The following SCPEP1 variants were observed in gnomAD, a reference collection of about 807,000 sequenced individuals.
The protein encoded by SCPEP1 is retinoid-inducible serine carboxypeptidase.
SCPEP1 carries 51 observed loss-of-function variants against 63.8 expected under a neutral mutation model. That is an observed-to-expected ratio of 0.80 (90% CI 0.64 to 1.01). The LOEUF (loss-of-function observed/expected upper bound fraction) is 1.01. Among genes scored for constraint, SCPEP1 ranks in the 50% least tolerant of loss-of-function variants. SCPEP1 has a pLI of 0.00. For missense variants in SCPEP1, 499 were observed against 554.9 expected, an observed-to-expected ratio of 0.90 and a Z score of 1.01; for synonymous variants, 204 against 207.8, an observed-to-expected ratio of 0.98 and a Z score of 0.16.
chr17:56,997,495 T>G (rs1296066991), intron 9 of SCPEP1, among the ~76,000 whole-genome samples: 1 of 152,256 alleles, frequency 6.6e-6, no homozygotes, highest in Non-Finnish European at 1.5e-5. Flanking sequence ...TTAGTCATCT[T>G]TCAGCCAACC....
At chr17:57,001,156 G>A (rs1460334048) in intron 11 of SCPEP1, among the ~76,000 whole-genome samples, 164 bp downstream of exon 11, 5 of 152,262 alleles carry the variant, frequency 3.3e-5, no homozygotes, top group Middle Eastern at 3.4e-3. Flanking sequence ...TTCAAAGGGT[G>A]GGGAGCTGCA....
intron 4 of SCPEP1, 114 bp from the exon 5 acceptor site, chr17:56,988,102 A>G: frequency 1.1e-6 from 1 of 888,506 alleles, no homozygotes. Flanking sequence ...GGGGAGGAAG[A>G]CAAAGCAGAT....
rs185780918 is a variant in SCPEP1 at position 56,981,265 on chromosome 17, G to A, written c.225+35G>A. 430 of 1,612,674 alleles carry A rather than the reference G, an allele frequency of 2.7e-4. 1 individual carries two copies. The East Asian group carries it at 8.4e-3, about 32-fold the overall frequency. Reference sequence around the variant, plus strand: ...CTTCCCAGCCTGGCCTGAGGTCAAAGCCAAGTCTCCTCTGTGTGGCTCTTT... The same window carrying A: ...CTTCCCAGCCTGGCCTGAGGTCAAAACCAAGTCTCCTCTGTGTGGCTCTTT... On this transcript the variant is annotated intron_variant, in intron 2 of 12. Transcript: ENST00000262288.
At chr17:57,001,969 T>C (rs1328568676) in intron 11 of SCPEP1, 49 bp from the exon 12 acceptor site, 3 of 1,574,352 alleles carry the variant, frequency 1.9e-6, no homozygotes, top group African/African-American at 2.8e-5. Flanking sequence ...TTTTTTCCTA[T>C]TCTATCCAGC....
chr17:56,990,921 C>T (rs1567866279), intron 5 of SCPEP1, among the ~76,000 whole-genome samples, 178 bp from the exon 6 acceptor site: 1 of 152,154 alleles, frequency 6.6e-6, no homozygotes, highest in Non-Finnish European at 1.5e-5. Flanking sequence ...AAGGCACATA[C>T]CACCATGTCC....
chr17:56,993,638 G>C (rs764945810), intron 6 of SCPEP1, among the ~76,000 whole-genome samples: 21 of 152,152 alleles, frequency 1.4e-4, no homozygotes, highest in Non-Finnish European at 1.3e-4. Flanking sequence ...GTAGAGATGG[G>C]GTTTCACCAT....
chr17:57,005,354 T>C (rs1323106510), intron 12 of SCPEP1, among the ~76,000 whole-genome samples: 3 of 152,180 alleles, frequency 2.0e-5, no homozygotes, highest in African/African-American at 7.2e-5. Context: ...GTTTGTCACA[T>C]ATAGAACAAC....
chr17:56,997,377 G>T (rs145275180), intron 9 of SCPEP1, among the ~76,000 whole-genome samples: 23 of 152,092 alleles, frequency 1.5e-4, no homozygotes, highest in Non-Finnish European at 3.4e-4. Flanking sequence ...AAATACAATC[G>T]CACAATAGTT....
Position 56,991,168 on chromosome 17 carries a change from G to T in SCPEP1, c.616G>T (p.Val206Phe). Residue 206 changes from valine (V) to phenylalanine (F), a missense_variant, in exon 6 of 13, where the codon GTT becomes TTT. Val to Phe is a conservative substitution (Grantham distance 50). Transcript: ENST00000262288. ...VALGDSWISP[V>F]DSVLSWGPYL... is the part of the protein sequence containing the mutation. ...CTTGGGTGATTCCTGGATCTCCCCTGTTGGTAAGTGTGGCATTTTCAGGCA... is the reference window on the plus strand; with the variant it reads ...CTTGGGTGATTCCTGGATCTCCCCTTTTGGTAAGTGTGGCATTTTCAGGCA... 3 of 1,613,236 alleles carry T rather than the reference G, an allele frequency of 1.9e-6. No homozygotes were observed. Among genetic ancestry groups the T allele is most frequent in the African/African-American group, 1.3e-5 (1 of 75,006 alleles).
At chr17:56,978,352 T>A (rs1910976076) in intron 1 of SCPEP1, 117 bp downstream of exon 1, 1 of 1,221,738 alleles carries the variant, frequency 8.2e-7, no homozygotes. Flanking sequence ...TCTTACCTTG[T>A]GTAATTATAT....
At chr17:56,993,699 G>A (rs1461521112) in intron 6 of SCPEP1, among the ~76,000 whole-genome samples, 5 of 152,090 alleles carry the variant, frequency 3.3e-5, no homozygotes, top group Admixed American at 6.5e-5. Context: ...TGCCCACCTC[G>A]GCCTCCCAAA....
At chr17:56,980,560 G>A (rs544045088) in intron 1 of SCPEP1, among the ~76,000 whole-genome samples, 287 of 152,088 alleles carry the variant, frequency 1.9e-3, no homozygotes, top group Middle Eastern at 0.01. Context: ...AGGCCTAGGC[G>A]GGCAGATCAC....
chr17:57,002,570 G>A (rs1911771536), intron 12 of SCPEP1, among the ~76,000 whole-genome samples: 2 of 152,146 alleles, frequency 1.3e-5, no homozygotes, highest in African/African-American at 4.8e-5. Context: ...TACCAGGTGT[G>A]GTAGCACATG....
intron 4 of SCPEP1, 34 bp from the exon 5 acceptor site, chr17:56,988,182 G>A (rs777915710): frequency 7.2e-6 from 10 of 1,389,966 alleles, no homozygotes; most frequent in East Asian, 4.8e-5. Context: ...AGCAATCAAG[G>A]TAGTTAATTC....
Position 56,985,376 on chromosome 17 carries a change from A to G in SCPEP1, c.226-2A>G, listed in dbSNP as rs1911184023. The G allele has an allele frequency of 1.2e-6, 2 of 1,613,620 alleles. No individual in the cohort carries two copies. The highest frequency in any genetic ancestry group is 1.1e-5 in the South Asian group (1 of 91,068). On this transcript the variant is annotated splice_acceptor_variant, in intron 2 of 12. Transcript: ENST00000262288. LOFTEE classifies it high-confidence loss of function. ...TTTGTTTGTTTCTTCTCTCTTCCAT[A>G]GGGCGGTCCAGGCGGTTCTAGCACT... is the stretch of plus-strand genomic sequence containing the variant.
chr17:56,991,191 G>A lies in SCPEP1; in HGVS notation c.619+20G>A, dbSNP rs1259611550. The A allele has an allele frequency of 3.1e-6, 5 of 1,600,002 alleles. No homozygotes were observed. Among genetic ancestry groups the A allele is most frequent in the East Asian group, 4.5e-5 (2 of 44,810 alleles). On this transcript the variant is annotated intron_variant, in intron 6 of 12. Transcript: ENST00000262288. ...CTGTTGGTAAGTGTGGCATTTTCAG[G>A]CATTTTTTCACTCCCCTTTTGCCCA...
At chr17:56,979,531 T>G (rs560133840) in intron 1 of SCPEP1, among the ~76,000 whole-genome samples, 9 of 152,158 alleles carry the variant, frequency 5.9e-5, no homozygotes, top group Admixed American at 5.2e-4. Context: ...ACTTGGAAAT[T>G]GTTACGTTAG....
At position 57,002,079 on chromosome 17, in the gene SCPEP1, G is replaced by A; in HGVS notation, c.1194G>A (p.Lys398=). ...WPELPKFSQL[K]WKALYSDPKS... is the part of the protein sequence containing the mutation. ...AACTGCCTAAATTCAGTCAGCTGAA[G>A]TGGAAGGCCCTGTACAGTGACCCTA... Residue 398 remains lysine (K), a synonymous_variant, in exon 12 of 13, where the codon AAG becomes AAA. Coordinates refer to ENST00000262288, the MANE Select transcript of SCPEP1 (RefSeq NM_021626.3). The A allele has an allele frequency of 6.2e-7, 1 of 1,614,220 alleles. No individual in the cohort carries two copies. The highest frequency in any genetic ancestry group is 8.5e-7 in the Non-Finnish European group (1 of 1,180,038).
At position 56,995,654 on chromosome 17, in the gene SCPEP1, C is replaced by CA; in HGVS notation, c.786+20dup. ...TGAACAGGTAAAAAGGGGAAACACT[C>CA]AGAGGCGAGCCTGCTTGGCTTTTTC... is the stretch of plus-strand genomic sequence containing the variant. On this transcript the variant is annotated intron_variant, in intron 8 of 12. Transcript: ENST00000262288. 6.2e-7 allele frequency: 1 copy of CA among 1,611,866 alleles called. No homozygotes were observed.
Sources: allele counts gnomAD v4.1 joint callset (sites outside exome capture counted in the v4.1 genomes callset), GRCh38; gene constraint gnomAD v4.1.1; transcripts MANE v1.5; gene names NCBI Gene and HGNC (gene_info 2026-07-23, HGNC 2026-07-21).